Variants in RPTOR observed in about 807,000 individuals in gnomAD.
The protein encoded by RPTOR is regulatory associated protein of MTOR complex 1.
In RPTOR, 21 loss-of-function variants were observed where a neutral mutation model predicts 169.9. The observed-to-expected ratio is 0.12, with a 90% CI of 0.09 to 0.18. RPTOR has a LOEUF of 0.18. RPTOR is among the 10% of genes least tolerant of loss of function. RPTOR has a pLI of 1.00. For synonymous variants in RPTOR, 732 were observed against 753.2 expected, an observed-to-expected ratio of 0.97 and a Z score of 0.46; for missense variants, 1,133 against 1,855.9, an observed-to-expected ratio of 0.61 and a Z score of 7.16.
intron 6 of RPTOR, among the ~76,000 whole-genome samples, chr17:80,765,306 T>C (rs1475430778): frequency 2.0e-5 from 3 of 152,204 alleles, no homozygotes; most frequent in Non-Finnish European, 2.9e-5. Context: ...GTCTCAGTTC[T>C]TGATACTTGC....
intron 1 of RPTOR, among the ~76,000 whole-genome samples, chr17:80,559,316 A>G (rs950865887): frequency 8.6e-5 from 13 of 152,028 alleles, no homozygotes; most frequent in African/African-American, 2.4e-4. Context: ...TTGATCCATT[A>G]CCTTCAAGCC....
chr17:80,665,848 A>G (rs2065774841), intron 3 of RPTOR, among the ~76,000 whole-genome samples: 1 of 152,216 alleles, frequency 6.6e-6, no homozygotes, highest in East Asian at 1.9e-4. Flanking sequence ...CGGCCCCCCA[A>G]AAATTTTTCT....
intron 31 of RPTOR, 182 bp downstream of exon 31, chr17:80,961,662 C>G: frequency 1.5e-6 from 1 of 668,716 alleles, no homozygotes; most frequent in Non-Finnish European, 2.4e-6. Context: ...GGGGCCACAG[C>G]TGCTCCCCTG....
chr17:80,629,341 T>G (rs576380918), intron 2 of RPTOR, among the ~76,000 whole-genome samples: 1 of 126,326 alleles, frequency 7.9e-6, no homozygotes. Context: ...ATGTATTGTG[T>G]CGTTGGACAT....
chr17:80,547,276 G>A (rs988885893), intron 1 of RPTOR, among the ~76,000 whole-genome samples: 2 of 152,118 alleles, frequency 1.3e-5, no homozygotes, highest in African/African-American at 4.8e-5. Flanking sequence ...ATAGTTAAAA[G>A]CTTTTGTGGT....
At chr17:80,791,408 C>G in intron 6 of RPTOR, 42 bp from the exon 7 acceptor site, 1 of 1,594,006 alleles carries the variant, frequency 6.3e-7, no homozygotes, top group Admixed American at 1.7e-5. Context: ...TCCTGGGTGA[C>G]TGTTCCATTC....
At chr17:80,668,920 C>T (rs374225302) in intron 3 of RPTOR, among the ~76,000 whole-genome samples, 19 of 152,312 alleles carry the variant, frequency 1.2e-4, no homozygotes, top group African/African-American at 3.6e-4. Flanking sequence ...CTGTAAAGGA[C>T]GAGTTGAATA....
At chr17:80,603,473 C>A (rs1308027289) in intron 1 of RPTOR, among the ~76,000 whole-genome samples, 1 of 152,100 alleles carries the variant, frequency 6.6e-6, no homozygotes, top group African/African-American at 2.4e-5. Context: ...GTTAAGGGAA[C>A]GAGGGGTGAA....
At position 80,957,519 on chromosome 17, in the gene RPTOR, G is replaced by A; in HGVS notation, c.3371-105G>A. 1.0e-6 allele frequency: 1 copy of A among 1,001,988 alleles called. No homozygotes were observed. Among genetic ancestry groups the A allele is most frequent in the Non-Finnish European group, 1.6e-6 (1 of 630,642 alleles). 62.1% of individuals were successfully genotyped at this position (1,001,988 alleles called of 1,614,324 possible). On this transcript the variant is annotated intron_variant, in intron 28 of 33. Transcript: ENST00000306801. The surrounding 1 kb of genome is among the most constrained non-coding windows in gnomAD (Gnocchi z 4.6). ...CACCAGATGGGCTCGATGGTGGCAG[G>A]GGTACCTTGTAGCTGCTGGCCAAAT...
chr17:80,613,905 C>T (rs1156979112), intron 1 of RPTOR, among the ~76,000 whole-genome samples: 2 of 152,236 alleles, frequency 1.3e-5, no homozygotes, highest in East Asian at 1.9e-4. Flanking sequence ...AAGCGTCTAT[C>T]GCAGCATCAT....
intron 1 of RPTOR, among the ~76,000 whole-genome samples, chr17:80,603,645 C>T (rs1042262403): frequency 2.0e-5 from 3 of 152,060 alleles, no homozygotes; most frequent in African/African-American, 7.2e-5. Context: ...ACCAGCTAGG[C>T]GAAAGGGTGC....
rs545246064 is a variant in RPTOR at position 80,643,602 on chromosome 17, C to G, written c.266-126C>G. 25 of 651,776 alleles carry G rather than the reference C, an allele frequency of 3.8e-5. No homozygotes were observed. The African/African-American group carries it at 4.0e-4, about 11-fold the overall frequency. 40.4% of individuals were successfully genotyped at this position (651,776 alleles called of 1,614,324 possible). ...CTGGTTAACACTGATCAACCTTAGG[C>G]GTTGTGTTACTTTTAGTCAAAGGTG... On this transcript the variant is annotated intron_variant, in intron 2 of 33. Coordinates refer to ENST00000306801, the MANE Select transcript of RPTOR (RefSeq NM_020761.3).
intron 3 of RPTOR, among the ~76,000 whole-genome samples, chr17:80,700,613 A>ATGGTGG (rs1293507761): frequency 7.8e-6 from 1 of 128,558 alleles, no homozygotes. Flanking sequence ...GATGATGGTG[A>ATGGTGG]TGGTGGTGGT....
intron 17 of RPTOR, 142 bp from the exon 18 acceptor site, chr17:80,891,578 A>AGG: frequency 1.5e-6 from 1 of 660,338 alleles, no homozygotes; most frequent in South Asian, 1.8e-5. Context: ...CGGTTCGAAA[A>AGG]GGGATGGTCC....
intron 6 of RPTOR, among the ~76,000 whole-genome samples, chr17:80,761,673 G>A (rs1290845977): frequency 6.6e-6 from 1 of 152,176 alleles, no homozygotes; most frequent in Non-Finnish European, 1.5e-5. Context: ...TGGTTTTGAT[G>A]ATAGAGTTAA....
chr17:80,876,127 GGAT>G (rs924578348), intron 13 of RPTOR, among the ~76,000 whole-genome samples: 5 of 140,228 alleles, frequency 3.6e-5, no homozygotes, highest in Non-Finnish European at 1.5e-5. Flanking sequence ...GTGCTGCCCA[GGAT>G]GTGTGTGTCA....
intron 29 of RPTOR, among the ~76,000 whole-genome samples, chr17:80,958,188 T>C (rs2069278650): frequency 1.7e-4 from 9 of 52,924 alleles, no homozygotes; most frequent in Non-Finnish European, 2.4e-4. Context: ...CAAGTGATCC[T>C]CCCACCTCAC....
intron 5 of RPTOR, among the ~76,000 whole-genome samples, chr17:80,742,766 G>A (rs138087241): frequency 1.3e-3 from 194 of 151,452 alleles, no homozygotes; most frequent in South Asian, 1.9e-3. Flanking sequence ...ATATAGACAC[G>A]CACATGTATA....
At chr17:80,759,392 G>C (rs1165035151) in intron 6 of RPTOR, among the ~76,000 whole-genome samples, 1 of 152,170 alleles carries the variant, frequency 6.6e-6, no homozygotes, top group East Asian at 1.9e-4. Flanking sequence ...AGGAAGTGCA[G>C]TGAAAAACAA....
Sources: gnomAD v4.1 joint callset for allele counts (sites outside exome capture counted in the v4.1 genomes callset) on GRCh38, gnomAD v4.1.1 for gene constraint, Gnocchi (gnomAD v3.1) non-coding constraint, MANE v1.5 for transcripts, NCBI Gene and HGNC (gene_info 2026-07-23, HGNC 2026-07-21) for gene names.